SERINC5: variants seen among roughly 807,000 people sequenced by gnomAD.
The protein encoded by SERINC5 is chromosome 5 open reading frame 12.
Under a neutral mutation model 63.1 loss-of-function variants are expected in SERINC5, and 41 were observed. That is an observed-to-expected ratio of 0.65 (90% CI 0.51 to 0.84). SERINC5 has a LOEUF of 0.84. Among genes scored for constraint, SERINC5 ranks in the 40% least tolerant of loss-of-function variants. The pLI, the probability that SERINC5 is intolerant of heterozygous loss-of-function variation, is 0.00. For synonymous variants in SERINC5, 222 were observed against 215.2 expected, an observed-to-expected ratio of 1.03 and a Z score of -0.28; for missense variants, 523 against 573.0, an observed-to-expected ratio of 0.91 and a Z score of 0.89.
Position 80,143,439 on chromosome 5 carries a change from C to A in SERINC5, c.*224G>T. 1 of 1,306,286 alleles carries A rather than the reference C, an allele frequency of 7.7e-7. No homozygotes were observed. The highest frequency in any genetic ancestry group is 3.6e-5 in the Admixed American group (1 of 27,942). 80.9% of individuals were successfully genotyped at this position (1,306,286 alleles called of 1,614,324 possible). A position where few individuals can be genotyped will look rare whatever the true frequency, so the allele number is the denominator to read the frequency against. ...GTTCCTAGGGGTAAGATATTTCAAC[C>A]ATGATCAGTTTGGTTGAAAATTTCA... On this transcript the variant is annotated 3_prime_UTR_variant, in exon 12 of 12. Transcript: ENST00000507668.
chr5:80,202,040 C>T (rs972664846), intron 2 of SERINC5, among the ~76,000 whole-genome samples: 7 of 152,094 alleles, frequency 4.6e-5, no homozygotes, highest in Admixed American at 4.6e-4. Context: ...GAGTTCAAGA[C>T]CAGCCTGGCC....
In SERINC5 at chr5:80,122,197, G is replaced by GTATATATATATATATATATATATATATA. The variant is rs10700420; in HGVS notation, c.1239-8573_1239-8572insTATATATATATATATATATATATATATA. Among the ~76,000 whole-genome samples the GTATATATATATATATATATATATATATA allele has an allele frequency of 8.3e-4, 97 of 116,700 alleles. 4 individuals are homozygous for GTATATATATATATATATATATATATATA. Among genetic ancestry groups the GTATATATATATATATATATATATATATA allele is most frequent in the Middle Eastern group, 4.1e-3 (1 of 242 alleles). 76.6% of individuals were successfully genotyped at this position (116,700 alleles called of 152,430 possible). On this transcript the variant is annotated intron_variant, in intron 11 of 12. Transcript: ENST00000509193. ...CTTCTCTAGAGGGACAGAACTAATA[G>GTATATATATATATATATATATATATATA]TATATATATATATATAATATGAGTT...
intron 1 of SERINC5, among the ~76,000 whole-genome samples, chr5:80,227,047 C>A (rs533926821): frequency 2.0e-5 from 3 of 152,028 alleles, no homozygotes; most frequent in Non-Finnish European, 4.4e-5. Flanking sequence ...AGGTGCCCCC[C>A]ACCACGCCCG....
At chr5:80,154,261 C>T (rs947914239) in intron 8 of SERINC5, among the ~76,000 whole-genome samples, 1 of 152,046 alleles carries the variant, frequency 6.6e-6, no homozygotes, top group Non-Finnish European at 1.5e-5. Context: ...CTCACCACAA[C>T]CTCTGTCTTC....
intron 1 of SERINC5, among the ~76,000 whole-genome samples, chr5:80,227,549 C>G (rs534555784): frequency 5.3e-5 from 8 of 151,000 alleles, no homozygotes. Flanking sequence ...TCACTTGAAG[C>G]CAGGAGTTTG....
intron 1 of SERINC5, among the ~76,000 whole-genome samples, chr5:80,220,231 AAGAG>A (rs112165731): frequency 0.16 from 18,802 of 114,414 alleles, 1,289 homozygotes; most frequent in Non-Finnish European, 0.2. Context: ...AAAAAAAAAA[AAGAG>A]AGAGAGAGAT....
At chr5:80,169,888 G>A (rs1209584342) in intron 5 of SERINC5, among the ~76,000 whole-genome samples, 2 of 152,186 alleles carry the variant, frequency 1.3e-5, no homozygotes, top group African/African-American at 4.8e-5. Flanking sequence ...GAGGTGTACT[G>A]AGCCAGAGGT....
rs1580231214 is a variant in SERINC5 at position 80,255,755 on chromosome 5, G to A, written c.27+141C>T. ...AGGATTTCCCGGACGGCTGAGCGCC[G>A]CGGGGCCAGCCCGAGCGACCCACCC... On this transcript the variant is annotated intron_variant, in intron 1 of 11. Coordinates refer to ENST00000507668, the MANE Select transcript of SERINC5 (RefSeq NM_001174072.3). 5.1e-6 allele frequency: 3 copies of A among 592,040 alleles called. No homozygotes were observed. The East Asian group carries it at 1.8e-4, about 36-fold the overall frequency. The allele number at this position is 592,040 out of a possible 1,614,324, so 36.7% of individuals were successfully genotyped here.
At chr5:80,191,479 C>CAAAAAAAAAAAAAAAAAA (rs1167390197) in intron 2 of SERINC5, among the ~76,000 whole-genome samples, 1 of 38,510 alleles carries the variant, frequency 2.6e-5, no homozygotes, top group African/African-American at 8.2e-5. Flanking sequence ...TCCATCTCTA[C>CAAAAAAAAAAAAAAAAAA]AAAAAAAAAA....
At position 80,139,139 on chromosome 5, in the gene SERINC5, C is replaced by T. The variant is rs900827929; in HGVS notation, c.*4524G>A. 74 of 985,020 alleles carry T rather than the reference C, an allele frequency of 7.5e-5. No individual in the cohort carries two copies. Among genetic ancestry groups the T allele is most frequent in the African/African-American group, 1.4e-4 (8 of 57,210 alleles). The allele number at this position is 985,020 out of a possible 1,614,324, so 61.0% of individuals were successfully genotyped here. ...ATTTTCAAATTCTAATGTAGCAAAA[C>T]GTAACCACATAATTTGGCTACAGCT... On this transcript the variant is annotated 3_prime_UTR_variant, in exon 12 of 12. Coordinates refer to ENST00000507668, the MANE Select transcript of SERINC5 (RefSeq NM_001174072.3).
chr5:80,165,169 T>TGTA (rs1239421383), intron 7 of SERINC5, among the ~76,000 whole-genome samples: 1 of 152,120 alleles, frequency 6.6e-6, no homozygotes, highest in Non-Finnish European at 1.5e-5. Flanking sequence ...ACTAAATTTA[T>TGTA]GTAAACTTAC....
chr5:80,143,425 T>C lies in SERINC5; in HGVS notation c.*238A>G. ...ATAACTGGTATCCAGTTCCTAGGGG[T>C]AAGATATTTCAACCATGATCAGTTT... On this transcript the variant is annotated 3_prime_UTR_variant, in exon 12 of 12. Coordinates refer to ENST00000507668, the MANE Select transcript of SERINC5 (RefSeq NM_001174072.3). 1 of 1,265,920 alleles carries C rather than the reference T, an allele frequency of 7.9e-7. No individual in the cohort carries two copies. The highest frequency in any genetic ancestry group is 2.7e-5 in the South Asian group (1 of 36,522). 78.4% of individuals were successfully genotyped at this position (1,265,920 alleles called of 1,614,324 possible).
intron 2 of SERINC5, among the ~76,000 whole-genome samples, chr5:80,186,464 T>C (rs1748817639): frequency 1.3e-5 from 2 of 152,130 alleles, no homozygotes; most frequent in Admixed American, 6.5e-5. Context: ...CTTTCCTTGG[T>C]ACATTTATAT....
chr5:80,219,712 C>A (rs1275204641), intron 1 of SERINC5, among the ~76,000 whole-genome samples: 1 of 152,168 alleles, frequency 6.6e-6, no homozygotes, highest in Non-Finnish European at 1.5e-5. Flanking sequence ...CCCTTCGCCC[C>A]CAGCTTGAGA....
At position 80,200,379 on chromosome 5, in the gene SERINC5, G is replaced by A. The variant is rs373886889; in HGVS notation, c.195+2507C>T. The stretch of plus-strand genomic sequence containing the variant: ...CAGGCGCCTGTAGTCCCAGCTACTC[G>A]GGAGGCTGAGGCAGGAGAATGGCGT... On this transcript the variant is annotated intron_variant, in intron 2 of 11. Transcript: ENST00000507668. Among the ~76,000 whole-genome samples, 9 of 150,822 alleles carry A rather than the reference G, an allele frequency of 6.0e-5. No homozygotes were observed. The East Asian group carries it at 7.8e-4, about 13-fold the overall frequency.
At chr5:80,193,158 G>A (rs191658553) in intron 2 of SERINC5, among the ~76,000 whole-genome samples, 107 of 152,192 alleles carry the variant, frequency 7.0e-4, no homozygotes, top group African/African-American at 2.3e-3. Flanking sequence ...GAATGAGCTC[G>A]GATTACAGTT....
chr5:80,165,836 C>T (rs752622467), intron 7 of SERINC5, among the ~76,000 whole-genome samples: 11 of 152,206 alleles, frequency 7.2e-5, no homozygotes, highest in Non-Finnish European at 1.6e-4. Flanking sequence ...CTGTCCTACA[C>T]ACCAGGAAGA....
chr5:80,158,554 G>A, intron 8 of SERINC5: 1 of 355,160 alleles, frequency 2.8e-6, no homozygotes, highest in Non-Finnish European at 5.2e-6. Context: ...CAACGGTGCT[G>A]CAACATGCCA....
chr5:80,217,503 C>T (rs1561433923), intron 1 of SERINC5, among the ~76,000 whole-genome samples: 1 of 152,220 alleles, frequency 6.6e-6, no homozygotes, highest in Admixed American at 6.5e-5. Flanking sequence ...TCTCAGAGAG[C>T]TGGAGTGCAG....
Sources: gnomAD v4.1 joint callset for allele counts (sites outside exome capture counted in the v4.1 genomes callset) on GRCh38, gnomAD v4.1.1 for gene constraint, MANE v1.5 for transcripts, NCBI Gene and HGNC (gene_info 2026-07-23, HGNC 2026-07-21) for gene names.